Variants in ANKRD62 observed in about 807,000 individuals in gnomAD.
ANKRD62 encodes ankyrin repeat domain-containing protein 62.
A neutral mutation model predicts 98.8 loss-of-function variants in ANKRD62; 61 were observed. That is an observed-to-expected ratio of 0.62 (90% CI 0.50 to 0.76). ANKRD62 has a LOEUF of 0.76. Ranked by LOEUF, ANKRD62 falls within the 30% of genes least tolerant of loss-of-function variation. ANKRD62 has a pLI of 0.00. For missense variants in ANKRD62, 933 were observed against 1,082.9 expected (o/e 0.86, Z 1.94); for synonymous variants, 341 against 367.9 (o/e 0.93, Z 0.84).
intron 10 of ANKRD62, among the ~76,000 whole-genome samples, chr18:12,120,849 TA>T (rs1236996213): frequency 6.6e-6 from 1 of 152,194 alleles, no homozygotes; most frequent in Non-Finnish European, 1.5e-5. Context: ...TATCACAGTC[TA>T]CCTTCAAGTA....
chr18:12,096,195 G>A lies in ANKRD62; in HGVS notation c.508-1G>A, dbSNP rs1216738757. The A allele has an allele frequency of 6.6e-7, 1 of 1,519,492 alleles. No homozygotes were observed. Among genetic ancestry groups the A allele is most frequent in the East Asian group, 2.5e-5 (1 of 40,714 alleles). The allele number at this position is 1,519,492 out of a possible 1,614,324, so 94.1% of individuals were successfully genotyped here. A position where few individuals can be genotyped will look rare whatever the true frequency, so the allele number is the denominator to read the frequency against. ...TATAAATTGTTTTTGCTGTTTTGCAGGATGGACATACATCACTTTTACTCG... is the reference window on the plus strand; with the variant it reads ...TATAAATTGTTTTTGCTGTTTTGCAAGATGGACATACATCACTTTTACTCG... On this transcript the variant is annotated splice_acceptor_variant, in intron 3 of 13. Transcript: ENST00000587848. LOFTEE classifies it high-confidence loss of function.
At chr18:12,124,450 A>G (rs1365137852) in intron 12 of ANKRD62, 130 bp downstream of exon 12, 6 of 405,850 alleles carry the variant, frequency 1.5e-5, no homozygotes, top group Admixed American at 8.3e-5. Flanking sequence ...TGATACTTAT[A>G]GCTACAATTA....
chr18:12,166,919 T>C, the ANKRD62 span, among the ~76,000 whole-genome samples: 1 of 149,080 alleles, frequency 6.7e-6, no homozygotes, highest in Non-Finnish European at 1.5e-5. Flanking sequence ...TTCCCTGCCC[T>C]GTGTCCAGGT....
intron 3 of ANKRD62, 25 bp downstream of exon 3, chr18:12,095,635 A>G (rs1909166232): frequency 1.4e-6 from 2 of 1,454,758 alleles, no homozygotes; most frequent in Non-Finnish European, 9.0e-7. Context: ...TGTTCTTTTC[A>G]AAGTATTTCA....
intron 12 of ANKRD62, among the ~76,000 whole-genome samples, chr18:12,125,206 C>T (rs111998604): frequency 0.011 from 1,664 of 151,974 alleles, 31 homozygotes; most frequent in African/African-American, 0.035. Flanking sequence ...AAATTAGATT[C>T]TTAAAGAATT....
the ANKRD62 span, among the ~76,000 whole-genome samples, chr18:12,158,667 G>C: frequency 1.3e-5 from 2 of 150,894 alleles, no homozygotes; most frequent in South Asian, 4.2e-4. Flanking sequence ...GGGATCACAG[G>C]CGCCCACCAT....
rs551463587 is a variant in ANKRD62 at position 12,103,277 on chromosome 18, C to G, written c.891+49C>G. On this transcript the variant is annotated intron_variant, in intron 7 of 13. Transcript: ENST00000587848. ...TTTCTGGTTTTCTTTGGTAATGTAG[C>G]ATAATCCAAATGAAATTACTTTTGG... The G allele has an allele frequency of 7.6e-4, 886 of 1,164,796 alleles. 1 individual carries two copies. The highest frequency in any genetic ancestry group is 9.4e-4 in the Non-Finnish European group (844 of 900,300). 72.2% of individuals were successfully genotyped at this position (1,164,796 alleles called of 1,614,324 possible).
chr18:12,120,633 G>A (rs530795418), intron 10 of ANKRD62, among the ~76,000 whole-genome samples: 1 of 152,198 alleles, frequency 6.6e-6, no homozygotes, highest in African/African-American at 2.4e-5. Context: ...TTTATAATGT[G>A]ATATTCAATA....
In ANKRD62 at chr18:12,125,514, C is replaced by A; in HGVS notation, c.1693C>A (p.Arg565=). The A allele has an allele frequency of 2.7e-6, 4 of 1,496,934 alleles. No homozygotes were observed. Among genetic ancestry groups the A allele is most frequent in the Non-Finnish European group, 3.5e-6 (4 of 1,133,818 alleles). The allele number at this position is 1,496,934 out of a possible 1,614,324, so 92.7% of individuals were successfully genotyped here. A position where few individuals can be genotyped will look rare whatever the true frequency, so the allele number is the denominator to read the frequency against. Residue 565 remains arginine, a synonymous_variant, in exon 13 of 14, where the codon CGG becomes AGG. Coordinates refer to ENST00000587848, the MANE Select transcript of ANKRD62 (RefSeq NM_001277333.2). ...RDLWQENHLM[R]DEIARLRLEI... is the part of the protein sequence containing the mutation. The stretch of plus-strand genomic sequence containing the variant: ...CCTGTGGCAGGAAAATCACTTGATG[C>A]GGGATGAAATTGCCAGACTCAGGCT...
At chr18:12,105,733 A>T (rs1006608959) in intron 7 of ANKRD62, among the ~76,000 whole-genome samples, 1 of 152,184 alleles carries the variant, frequency 6.6e-6, no homozygotes, top group South Asian at 2.1e-4. Flanking sequence ...AATTTAAATG[A>T]TAGGAGATCA....
At chr18:12,096,110 G>C in intron 3 of ANKRD62, 86 bp from the exon 4 acceptor site, 1 of 904,132 alleles carries the variant, frequency 1.1e-6, no homozygotes, top group Non-Finnish European at 1.7e-6. Context: ...TCATGTTTAA[G>C]TTCATAGGAT....
At chr18:12,161,558 C>T in the ANKRD62 span, among the ~76,000 whole-genome samples, 33 of 152,112 alleles carry the variant, frequency 2.2e-4, no homozygotes, top group Middle Eastern at 0.014. Flanking sequence ...TCTTACAGTC[C>T]TTTTAAAATG....
At chr18:12,116,016 C>T (rs1429597133) in intron 10 of ANKRD62, among the ~76,000 whole-genome samples, 1 of 152,156 alleles carries the variant, frequency 6.6e-6, no homozygotes, top group African/African-American at 2.4e-5. Flanking sequence ...TATACTGCTT[C>T]ATTCCATACC....
intron 10 of ANKRD62, among the ~76,000 whole-genome samples, chr18:12,119,739 CTCT>C (rs1909745163): frequency 6.6e-6 from 1 of 151,816 alleles, no homozygotes; most frequent in African/African-American, 2.4e-5. Context: ...GGATTTAATT[CTCT>C]TATTTTATTA....
At chr18:12,156,393 A>G in the ANKRD62 span, among the ~76,000 whole-genome samples, 1 of 152,146 alleles carries the variant, frequency 6.6e-6, no homozygotes, top group African/African-American at 2.4e-5. Flanking sequence ...CCCACATGTC[A>G]TGGACTGGTA....
chr18:12,170,464 T>C, the ANKRD62 span, among the ~76,000 whole-genome samples: 1 of 152,232 alleles, frequency 6.6e-6, no homozygotes, highest in African/African-American at 2.4e-5. Context: ...TAATCCTGAG[T>C]TCTAATTTTA....
chr18:12,096,373 G>A, intron 4 of ANKRD62, 71 bp downstream of exon 4: 1 of 803,876 alleles, frequency 1.2e-6, no homozygotes, highest in Non-Finnish European at 1.9e-6. Flanking sequence ...TCACTTGTCA[G>A]AAATATTAAA....
intron 13 of ANKRD62, 49 bp downstream of exon 13, chr18:12,126,432 T>C (rs748100701): frequency 2.9e-6 from 4 of 1,373,096 alleles, no homozygotes; most frequent in Non-Finnish European, 3.9e-6. Context: ...GAAGTAAAAT[T>C]TAAAGTATAT....
the ANKRD62 span, among the ~76,000 whole-genome samples, chr18:12,167,081 C>T: frequency 1.3e-5 from 2 of 151,790 alleles, no homozygotes; most frequent in African/African-American, 4.8e-5. Flanking sequence ...GCATAGCATT[C>T]CACGGTGTAC....
Sources: gnomAD v4.1 joint callset for allele counts (sites outside exome capture counted in the v4.1 genomes callset) on GRCh38, gnomAD v4.1.1 for gene constraint, MANE v1.5 for transcripts, NCBI Gene and HGNC (gene_info 2026-07-23, HGNC 2026-07-21) for gene names.